Variants in HAUS4 observed in about 807,000 individuals in gnomAD.
HAUS4 encodes HAUS augmin like complex subunit 4, also known as HAUS augmin-like complex subunit 4.
HAUS4 carries 34 observed loss-of-function variants against 50.6 expected under a neutral mutation model. The ratio of observed to expected loss-of-function variants is 0.67; its 90% CI spans 0.51 to 0.90. The LOEUF (loss-of-function observed/expected upper bound fraction) is 0.90, where lower values mean the gene tolerates loss of function less well. Among genes scored for constraint, HAUS4 ranks in the 40% least tolerant of loss-of-function variants. The pLI is 0.00. For synonymous variants in HAUS4, 149 were observed against 161.4 expected (o/e 0.92, Z 0.58); for missense variants, 370 against 428.7 (o/e 0.86, Z 1.21).
Position 22,955,136 on chromosome 14 carries a change from A to T in HAUS4, c.19T>A (p.Cys7Ser). The T allele has an allele frequency of 5.6e-6, 9 of 1,612,320 alleles. No homozygotes were observed. The highest frequency in any genetic ancestry group is 7.6e-6 in the Non-Finnish European group (9 of 1,178,298). The part of the protein sequence containing the change: MASGDF[C>S]SPGEGMEILQ... The stretch of plus-strand genomic sequence containing the variant: ...ATTTCCATCCCTTCTCCAGGTGAGC[A>T]GAAATCCCCGGATGCCATTTGATTT... The change falls in exon 2 of 10, where the codon TGC (cysteine) becomes AGC (serine). Residue 7 changes from cysteine to serine, a missense_variant. Cys to Ser is a moderately radical substitution (Grantham distance 112, BLOSUM62 -1). Transcript: ENST00000541587.
At chr14:22,950,463 C>T (rs963880884) in intron 5 of HAUS4, 53 bp from the exon 6 acceptor site, 17 of 1,096,514 alleles carry the variant, frequency 1.6e-5, no homozygotes, top group Admixed American at 6.9e-5. Context: ...AAAACTAGGA[C>T]GTCTCAGCCA....
At chr14:22,955,054 C>T (rs375669187) in intron 2 of HAUS4, 46 bp downstream of exon 2, 3 of 1,352,900 alleles carry the variant, frequency 2.2e-6, no homozygotes, top group Non-Finnish European at 3.2e-6. Context: ...CTGGATAAGA[C>T]CTCTCTGGAT....
chr14:22,947,218 C>T lies in HAUS4; in HGVS notation c.861G>A (p.Leu287=). 6.2e-7 allele frequency: 1 copy of T among 1,609,384 alleles called. No individual in the cohort carries two copies. Among genetic ancestry groups the T allele is most frequent in the Non-Finnish European group, 8.5e-7 (1 of 1,175,694 alleles). Residue 287 remains leucine, a synonymous_variant, in exon 9 of 10, where the codon TTG becomes TTA. Transcript: ENST00000541587. ...LKLRMEELKI[L]SDTYTVEKVE... ...CTTTCTCAACAGTGTAAGTGTCGGA[C>T]AAAATCTTTAGCTCCTCCATCCTGA... is the stretch of plus-strand genomic sequence containing the variant.
At chr14:22,955,213 A>C in intron 1 of HAUS4, 37 bp from the exon 2 acceptor site, 1 of 1,231,344 alleles carries the variant, frequency 8.1e-7, no homozygotes. Flanking sequence ...CAAAAAGATG[A>C]ATAAACAGCT....
intron 4 of HAUS4, among the ~76,000 whole-genome samples, 179 bp downstream of exon 4, chr14:22,952,149 C>G (rs923789735): frequency 6.6e-6 from 1 of 152,200 alleles, no homozygotes; most frequent in African/African-American, 2.4e-5. Context: ...TCCCGAGTAG[C>G]TGGGATTACA....
At chr14:22,954,938 G>A (rs1372006237) in intron 2 of HAUS4, among the ~76,000 whole-genome samples, 162 bp downstream of exon 2, 1 of 152,008 alleles carries the variant, frequency 6.6e-6, no homozygotes, top group Non-Finnish European at 1.5e-5. Context: ...TGTTAGCCAG[G>A]ATGGTCTCGA....
chr14:22,947,319 G>A (rs531614758), intron 8 of HAUS4, 80 bp from the exon 9 acceptor site: 190 of 963,472 alleles, frequency 2.0e-4, no homozygotes, highest in Non-Finnish European at 2.4e-4. Flanking sequence ...AGTACCTGCC[G>A]ACGGTCAAGG....
rs2044862529 is a variant in HAUS4, at chr14:22,956,304, C to A, written c.-23+612G>T. 2.0e-5 allele frequency among the ~76,000 whole-genome samples: 3 copies of A among 152,144 alleles called. No individual in the cohort carries two copies. The South Asian group carries it at 6.2e-4, about 32-fold the overall frequency. ...TGCAAAACTGAGATAACGATTCCTG[C>A]CTTGGATGAGACATTAAGAATTAAT... On this transcript the variant is annotated intron_variant, in intron 1 of 9. Transcript: ENST00000541587.
chr14:22,956,756 A>G (rs1357639517), intron 1 of HAUS4, 160 bp downstream of exon 1: 1 of 152,854 alleles, frequency 6.5e-6, no homozygotes, highest in Non-Finnish European at 1.5e-5. Flanking sequence ...AGGGCCCGAG[A>G]TGAATCAAAA....
chr14:22,950,591 G>A (rs1711212627), intron 5 of HAUS4, among the ~76,000 whole-genome samples, 181 bp from the exon 6 acceptor site: 1 of 152,204 alleles, frequency 6.6e-6, no homozygotes, highest in South Asian at 2.1e-4. Flanking sequence ...AAGACCCCAT[G>A]TTGGTGAGAA....
chr14:22,946,256 G>A lies in HAUS4; in HGVS notation c.*269C>T. On this transcript the variant is annotated 3_prime_UTR_variant, in exon 10 of 10. Coordinates refer to ENST00000541587, the MANE Select transcript of HAUS4 (RefSeq NM_001166269.2). ...GATATAATATCATAACTTTATTCAG[G>A]AGATAATCAAATACAATACAGGGCT... 6.7e-6 allele frequency: 2 copies of A among 297,468 alleles called. No individual in the cohort carries two copies. Among genetic ancestry groups the A allele is most frequent in the Non-Finnish European group, 1.2e-5 (2 of 162,660 alleles). 18.4% of individuals were successfully genotyped at this position (297,468 alleles called of 1,614,324 possible). A position where few individuals can be genotyped will look rare whatever the true frequency, so the allele number is the denominator to read the frequency against.
chr14:22,946,775 G>GA, intron 9 of HAUS4, 67 bp from the exon 10 acceptor site: 33 of 854,642 alleles, frequency 3.9e-5, no homozygotes, highest in Non-Finnish European at 5.5e-5. Context: ...GGACAAAAAT[G>GA]AAAAACTTTT....
At chr14:22,955,284 C>A in intron 1 of HAUS4, 108 bp from the exon 2 acceptor site, 2 of 769,822 alleles carry the variant, frequency 2.6e-6, no homozygotes, top group Non-Finnish European at 4.7e-6. Context: ...TGGAAAGGAA[C>A]CTCAAGGATG....
Position 22,948,559 on chromosome 14 carries a change from G to C in HAUS4, c.563-546C>G, listed in dbSNP as rs572645522. 1.2e-4 allele frequency among the ~76,000 whole-genome samples: 18 copies of C among 151,088 alleles called. No homozygotes were observed. In the East Asian group the frequency reaches 3.5e-3, roughly 30 times the overall value. On this transcript the variant is annotated intron_variant, in intron 6 of 9. Coordinates refer to ENST00000541587, the MANE Select transcript of HAUS4 (RefSeq NM_001166269.2). ...TTAATTCTTTTTATTTTTTTGAGACGGAGTCTCTCACTGTCACCTCGGCCG... is the reference window on the plus strand; with the variant it reads ...TTAATTCTTTTTATTTTTTTGAGACCGAGTCTCTCACTGTCACCTCGGCCG...
intron 1 of HAUS4, among the ~76,000 whole-genome samples, chr14:22,956,581 G>C (rs2044869461): frequency 6.6e-6 from 1 of 152,076 alleles, no homozygotes; most frequent in African/African-American, 2.4e-5. Flanking sequence ...AATCAGGCTC[G>C]ATTCTCCACC....
At chr14:22,954,989 T>C (rs1264347671) in intron 2 of HAUS4, 111 bp downstream of exon 2, 1 of 817,126 alleles carries the variant, frequency 1.2e-6, no homozygotes, top group Non-Finnish European at 2.2e-6. Context: ...CCTCCCAAAG[T>C]GCTGGGATTA....
Position 22,947,895 on chromosome 14 carries a change from C to T in HAUS4, c.681G>A (p.Leu227=). 2 of 1,613,952 alleles carry T rather than the reference C, an allele frequency of 1.2e-6. No individual in the cohort carries two copies. Among genetic ancestry groups the T allele is most frequent in the Non-Finnish European group, 1.7e-6 (2 of 1,179,910 alleles). ...GGGAGTAAGCAGCACTCTTCTTCTCCAGCAGCAACATCTGCTCCTTCTGCT... is the reference window on the plus strand; with the variant it reads ...GGGAGTAAGCAGCACTCTTCTTCTCTAGCAGCAACATCTGCTCCTTCTGCT... ...KSQQKEQMLL[L]EKKSAAYSQV... is the part of the protein sequence containing the mutation. Residue 227 remains leucine, a synonymous_variant, in exon 7 of 10, where the codon CTG becomes CTA. Transcript: ENST00000541587.
intron 2 of HAUS4, among the ~76,000 whole-genome samples, chr14:22,953,101 C>A (rs1385165850): frequency 2.6e-5 from 4 of 152,052 alleles, no homozygotes; most frequent in Non-Finnish European, 5.9e-5. Context: ...GTCGCATAAA[C>A]AAGACTAACA....
Position 22,950,451 on chromosome 14 carries a change from T to C in HAUS4, c.466-41A>G, listed in dbSNP as rs772172066. The stretch of plus-strand genomic sequence containing the variant: ...TAAAGGCAGAAATGCGAATAGACTG[T>C]AAAAACTAGGACGTCTCAGCCAATG... On this transcript the variant is annotated intron_variant, in intron 5 of 9. Coordinates refer to ENST00000541587, the MANE Select transcript of HAUS4 (RefSeq NM_001166269.2). The C allele has an allele frequency of 7.1e-6, 9 of 1,258,940 alleles. No homozygotes were observed. In the South Asian group the frequency reaches 1.1e-4, roughly 15 times the overall value. The allele number at this position is 1,258,940 out of a possible 1,614,324, so 78.0% of individuals were successfully genotyped here. A position where few individuals can be genotyped will look rare whatever the true frequency, so the allele number is the denominator to read the frequency against.
Sources: gnomAD v4.1 joint callset for allele counts (sites outside exome capture counted in the v4.1 genomes callset) on GRCh38, gnomAD v4.1.1 for gene constraint, MANE v1.5 for transcripts, NCBI Gene and HGNC (gene_info 2026-07-23, HGNC 2026-07-21) for gene names.